Variants in F2R observed in about 807,000 individuals in gnomAD.
F2R encodes proteinase-activated receptor 1.
Under a neutral mutation model 18.3 loss-of-function variants are expected in F2R, and 12 were observed. The ratio of observed to expected loss-of-function variants is 0.66; its 90% CI spans 0.42 to 1.06. The LOEUF is 1.06. Ranked by LOEUF, F2R falls within the 50% of genes least tolerant of loss-of-function variation. The pLI is 0.00. For missense variants in F2R, 438 were observed against 530.8 expected (o/e 0.83, Z 1.72); for synonymous variants, 210 against 219.9 (o/e 0.95, Z 0.40).
At chr5:76,731,541 A>AT (rs1056494853) in intron 1 of F2R, among the ~76,000 whole-genome samples, 1 of 141,614 alleles carries the variant, frequency 7.1e-6, no homozygotes, top group African/African-American at 2.6e-5. Flanking sequence ...ATTTATTTTT[A>AT]TTTTTTGAGA....
At position 76,732,335 on chromosome 5, in the gene F2R, C is replaced by G. The variant is rs776327945; in HGVS notation, c.110C>G (p.Thr37Ser). Residue 37 changes from threonine (T) to serine (S), a missense_variant, in exon 2 of 2, where the codon ACC becomes AGC. Physicochemically the swap from Thr to Ser is moderately conservative, Grantham distance 58 (BLOSUM62 1). Transcript: ENST00000319211. The part of the protein sequence containing the change: ...RRPESKATNA[T>S]LDPRSFLLRN... ...TCAGAATCAAAAGCAACAAATGCCA[C>G]CTTAGATCCCCGGTCATTTCTTCTC... The G allele has an allele frequency of 2.5e-6, 4 of 1,604,296 alleles. No homozygotes were observed. The highest frequency in any genetic ancestry group is 3.4e-6 in the Non-Finnish European group (4 of 1,176,754).
chr5:76,727,927 G>C (rs1748600437), intron 1 of F2R, among the ~76,000 whole-genome samples: 1 of 139,826 alleles, frequency 7.2e-6, no homozygotes, highest in Non-Finnish European at 1.5e-5. Flanking sequence ...TCACTCTGTT[G>C]CCCAGGCTGG....
chr5:76,717,382 T>TC (rs1189911442), intron 1 of F2R, among the ~76,000 whole-genome samples: 9 of 151,844 alleles, frequency 5.9e-5, no homozygotes, highest in African/African-American at 2.2e-4. Context: ...CTTTGAGCCA[T>TC]TTTTTTTACG....
At chr5:76,727,934 C>T (rs1278746253) in intron 1 of F2R, among the ~76,000 whole-genome samples, 1 of 147,914 alleles carries the variant, frequency 6.8e-6, no homozygotes, top group African/African-American at 2.5e-5. Context: ...GTTGCCCAGG[C>T]TGGAGTACAA....
chr5:76,732,441 C>T lies in F2R; in HGVS notation c.216C>T (p.Val72=), dbSNP rs143270092. ...GTGGGTTAACTGAATACAGATTAGT[C>T]TCCATCAATAAAAGCAGTCCTCTTC... is the stretch of plus-strand genomic sequence containing the variant. The part of the protein sequence containing the change: ...NESGLTEYRL[V]SINKSSPLQK... The change falls in exon 2 of 2, where the codon GTC becomes GTT. Residue 72 remains valine, a synonymous_variant. Transcript: ENST00000319211. 9.0e-5 allele frequency: 145 copies of T among 1,614,096 alleles called. 1 individual carries two copies. The highest frequency in any genetic ancestry group is 1.7e-4 in the Admixed American group (10 of 60,016).
Position 76,716,334 on chromosome 5 carries a change from G to A in F2R, c.27G>A (p.Val9=). The change falls in exon 1 of 2, where the codon GTG becomes GTA. Residue 9 remains valine (V), a synonymous_variant. Transcript: ENST00000319211. MGPRRLLL[V]AACFSLCGPL... is the part of the protein sequence containing the mutation. ...TGGGGCCGCGGCGGCTGCTGCTGGT[G>A]GCCGCCTGCTTCAGTCTGTGCGGCC... 7.0e-7 allele frequency: 1 copy of A among 1,434,172 alleles called. No homozygotes were observed. The allele number at this position is 1,434,172 out of a possible 1,614,324, so 88.8% of individuals were successfully genotyped here. A position where few individuals can be genotyped will look rare whatever the true frequency, so the allele number is the denominator to read the frequency against.
In F2R at chr5:76,733,620, C is replaced by T; in HGVS notation, c.*117C>T. ...ACCTCCTAAAACAACAGATGTACGA[C>T]TTGCATACCTGCTTTTTATGGGAGC... is the stretch of plus-strand genomic sequence containing the variant. On this transcript the variant is annotated 3_prime_UTR_variant, in exon 2 of 2. Coordinates refer to ENST00000319211, the MANE Select transcript of F2R (RefSeq NM_001992.5). 1.3e-6 allele frequency: 1 copy of T among 763,590 alleles called. No homozygotes were observed. The highest frequency in any genetic ancestry group is 2.0e-5 in the South Asian group (1 of 50,970). The allele number at this position is 763,590 out of a possible 1,614,324, so 47.3% of individuals were successfully genotyped here.
intron 1 of F2R, among the ~76,000 whole-genome samples, chr5:76,720,524 A>G (rs960815598): frequency 4.6e-5 from 7 of 152,156 alleles, no homozygotes; most frequent in African/African-American, 9.7e-5. Context: ...TAGAATTCAC[A>G]TAACATAAAA....
intron 1 of F2R, among the ~76,000 whole-genome samples, chr5:76,719,955 A>C (rs1290993585): frequency 6.6e-6 from 1 of 152,212 alleles, no homozygotes; most frequent in Non-Finnish European, 1.5e-5. Flanking sequence ...GTTACAAGAG[A>C]TATTGCTAGT....
At position 76,732,255 on chromosome 5, in the gene F2R, T is replaced by G. The variant is rs935611135; in HGVS notation, c.89-59T>G. The G allele has an allele frequency of 2.7e-5, 36 of 1,339,342 alleles. 1 individual carries two copies. Among genetic ancestry groups the G allele is most frequent in the Middle Eastern group, 4.5e-4 (2 of 4,480 alleles). The allele number at this position is 1,339,342 out of a possible 1,614,324, so 83.0% of individuals were successfully genotyped here. On this transcript the variant is annotated intron_variant, in intron 1 of 1. Transcript: ENST00000319211. ...TAAAATATGCTCTCTGCTTGTCGCT[T>G]TTGCCTTGTTGATGCGTTCACTTTT...
intron 1 of F2R, among the ~76,000 whole-genome samples, chr5:76,725,634 C>CT (rs1163700912): frequency 8.6e-5 from 13 of 151,080 alleles, no homozygotes; most frequent in Admixed American, 5.3e-4. Context: ...TTTTTCTTTT[C>CT]TTTTTTTTTC....
In F2R at chr5:76,716,374, C is replaced by T. The variant is rs913869908; in HGVS notation, c.67C>T (p.Arg23Cys). ...TCTGTGCGGCCCGCTGTTGTCTGCCCGCACCCGGGCCCGCAGGCCAGGTGA... is the reference window on the plus strand; with the variant it reads ...TCTGTGCGGCCCGCTGTTGTCTGCCTGCACCCGGGCCCGCAGGCCAGGTGA... Reference protein sequence around the residue: ...FSLCGPLLSARTRARRPESKA... With the variant: ...FSLCGPLLSACTRARRPESKA... Residue 23 changes from arginine (R) to cysteine (C), a missense_variant, in exon 1 of 2, where the codon CGC becomes TGC. Transcript: ENST00000319211. 1.4e-6 allele frequency: 2 copies of T among 1,457,148 alleles called. No individual in the cohort carries two copies. The highest frequency in any genetic ancestry group is 9.0e-7 in the Non-Finnish European group (1 of 1,108,492). The allele number at this position is 1,457,148 out of a possible 1,614,324, so 90.3% of individuals were successfully genotyped here.
In F2R at chr5:76,716,337, C is replaced by T; in HGVS notation, c.30C>T (p.Ala10=). The change falls in exon 1 of 2, where the codon GCC becomes GCT. Residue 10 remains alanine, a synonymous_variant. Transcript: ENST00000319211. The part of the protein sequence containing the change: MGPRRLLLV[A]ACFSLCGPLL... ...GGCCGCGGCGGCTGCTGCTGGTGGC[C>T]GCCTGCTTCAGTCTGTGCGGCCCGC... is the stretch of plus-strand genomic sequence containing the variant. 7.0e-7 allele frequency: 1 copy of T among 1,435,692 alleles called. No individual in the cohort carries two copies. Among genetic ancestry groups the T allele is most frequent in the Non-Finnish European group, 9.1e-7 (1 of 1,095,744 alleles). The allele number at this position is 1,435,692 out of a possible 1,614,324, so 88.9% of individuals were successfully genotyped here.
intron 1 of F2R, among the ~76,000 whole-genome samples, chr5:76,725,424 CA>C (rs946420956): frequency 9.9e-4 from 142 of 143,426 alleles, no homozygotes; most frequent in African/African-American, 2.6e-3. Flanking sequence ...ATAGCTTAAC[CA>C]AAAAAAAAAA....
intron 1 of F2R, among the ~76,000 whole-genome samples, chr5:76,721,571 G>A (rs1338519499): frequency 2.0e-5 from 3 of 152,206 alleles, no homozygotes; most frequent in Non-Finnish European, 4.4e-5. Flanking sequence ...AAGACATTAT[G>A]TAATCTATTT....
chr5:76,732,974 A>T lies in F2R; in HGVS notation c.749A>T (p.Asn250Ile). The T allele has an allele frequency of 6.2e-7, 1 of 1,614,134 alleles. No homozygotes were observed. The highest frequency in any genetic ancestry group is 2.2e-5 in the East Asian group (1 of 44,876). Reference sequence around the variant, plus strand: ...CAAACCATCCAGGTGCCCGGGCTCAACATCACTACCTGTCATGATGTGCTC... The same window carrying T: ...CAAACCATCCAGGTGCCCGGGCTCATCATCACTACCTGTCATGATGTGCTC... ...KEQTIQVPGL[N>I]ITTCHDVLNE... Residue 250 changes from asparagine (N) to isoleucine (I), a missense_variant, in exon 2 of 2, where the codon AAC (asparagine) becomes ATC (isoleucine). Transcript: ENST00000319211.
In F2R at chr5:76,728,683, G is replaced by GTT. The variant is rs1326720567; in HGVS notation, c.89-3630_89-3629insTT. Among the ~76,000 whole-genome samples, 8 of 86,106 alleles carry GTT rather than the reference G, an allele frequency of 9.3e-5. No homozygotes were observed. In the South Asian group the frequency reaches 1.4e-3, roughly 15 times the overall value. 56.5% of individuals were successfully genotyped at this position (86,106 alleles called of 152,430 possible). The stretch of plus-strand genomic sequence containing the variant: ...TGAGATTGCAGCTATTGACATCCTG[G>GTT]TCTTTTTTTTTTTTTTTTTTTTTTT... On this transcript the variant is annotated intron_variant, in intron 1 of 1. Transcript: ENST00000319211.
intron 1 of F2R, among the ~76,000 whole-genome samples, chr5:76,724,224 C>T (rs1203959860): frequency 1.3e-5 from 2 of 152,068 alleles, no homozygotes; most frequent in Non-Finnish European, 2.9e-5. Context: ...CACACCACCA[C>T]GACCAGCTAA....
chr5:76,721,273 CT>C (rs1041473298), intron 1 of F2R, among the ~76,000 whole-genome samples: 1 of 152,070 alleles, frequency 6.6e-6, no homozygotes, highest in Non-Finnish European at 1.5e-5. Flanking sequence ...TGTTTGTTTC[CT>C]TTTTTGCGAT....
Sources: allele counts gnomAD v4.1 joint callset (sites outside exome capture counted in the v4.1 genomes callset), GRCh38; gene constraint gnomAD v4.1.1; transcripts MANE v1.5; gene names NCBI Gene and HGNC (gene_info 2026-07-23, HGNC 2026-07-21).